The following CDH12 variants were observed in gnomAD, a reference collection of about 807,000 sequenced individuals.
CDH12 encodes cadherin-12.
In CDH12, 41 loss-of-function variants were observed where a neutral mutation model predicts 74.1. The ratio of observed to expected loss-of-function variants is 0.55; its 90% CI spans 0.43 to 0.72. The LOEUF is 0.72. CDH12 is among the 30% of genes least tolerant of loss of function. The pLI is 0.00. For missense variants in CDH12, 945 were observed against 977.2 expected (o/e 0.97, Z 0.44); for synonymous variants, 399 against 355.0 (o/e 1.12, Z -1.39).
intron 3 of CDH12, among the ~76,000 whole-genome samples, chr5:22,375,495 G>A (rs1056798612): frequency 6.6e-6 from 1 of 152,042 alleles, no homozygotes; most frequent in Non-Finnish European, 1.5e-5. Context: ...GAGAGAAACA[G>A]AATGAAGAGA....
intron 1 of CDH12, among the ~76,000 whole-genome samples, chr5:22,694,346 T>C (rs1742239706): frequency 6.6e-6 from 1 of 152,220 alleles, no homozygotes; most frequent in African/African-American, 2.4e-5. Flanking sequence ...GAAATCCTTC[T>C]ACATTCCAAA....
intron 1 of CDH12, among the ~76,000 whole-genome samples, chr5:22,532,350 G>GATACATATATATAT (rs1737621551): frequency 3.6e-5 from 1 of 27,576 alleles, no homozygotes; most frequent in Non-Finnish European, 7.4e-5. Flanking sequence ...ATATAAATAG[G>GATACATATATATAT]ATATATATAT....
chr5:21,807,857 T>C (rs1346809550), intron 9 of CDH12, among the ~76,000 whole-genome samples: 5 of 152,086 alleles, frequency 3.3e-5, no homozygotes, highest in Non-Finnish European at 7.4e-5. Flanking sequence ...AAGTTGTGCA[T>C]ATATAATTAG....
chr5:21,855,949 C>T (rs1249862694), intron 6 of CDH12, among the ~76,000 whole-genome samples: 1 of 151,628 alleles, frequency 6.6e-6, no homozygotes, highest in African/African-American at 2.4e-5. Flanking sequence ...TGTAGACATT[C>T]AATGCCAAGG....
At chr5:21,882,764 G>A (rs1373551463) in intron 6 of CDH12, 61 of 1,600,150 alleles carry the variant, frequency 3.8e-5, no homozygotes, top group Non-Finnish European at 5.1e-5. Context: ...TGGAGCCAAA[G>A]GGAAGAACAG....
chr5:21,908,927 A>G (rs1437714061), intron 6 of CDH12, among the ~76,000 whole-genome samples: 1 of 152,138 alleles, frequency 6.6e-6, no homozygotes, highest in Non-Finnish European at 1.5e-5. Context: ...TAAAAAAAAA[A>G]TTATTTATTT....
At chr5:21,806,772 G>A (rs1031543347) in intron 9 of CDH12, among the ~76,000 whole-genome samples, 2 of 152,194 alleles carry the variant, frequency 1.3e-5, no homozygotes, top group Non-Finnish European at 2.9e-5. Flanking sequence ...TAGCATGGCG[G>A]ACTCCATCTT....
chr5:22,002,809 A>C (rs188476593), intron 5 of CDH12, among the ~76,000 whole-genome samples: 2 of 152,200 alleles, frequency 1.3e-5, no homozygotes, highest in African/African-American at 4.8e-5. Context: ...ATGGAAAAAA[A>C]AATCAATATA....
intron 5 of CDH12, among the ~76,000 whole-genome samples, chr5:22,033,523 T>C (rs561993514): frequency 1.3e-5 from 2 of 152,338 alleles, no homozygotes; most frequent in East Asian, 1.9e-4. Flanking sequence ...TAATAGATTG[T>C]CTATAAACAC....
At chr5:22,191,554 CTTTTTATTTTTATTTTTT>C (rs1386220924) in intron 4 of CDH12, among the ~76,000 whole-genome samples, 1 of 55,202 alleles carries the variant, frequency 1.8e-5, no homozygotes, top group Non-Finnish European at 3.3e-5. Flanking sequence ...CACCAATGGT[CTTTTTATTTTTATTTTTT>C]TTTTTTTTTT....
intron 1 of CDH12, among the ~76,000 whole-genome samples, chr5:22,767,606 G>C (rs780642268): frequency 1.6e-4 from 25 of 151,744 alleles, no homozygotes; most frequent in Non-Finnish European, 2.1e-4. Context: ...GGTAGCTTTG[G>C]AATATTTATT....
chr5:22,588,325 A>T (rs558905933), intron 1 of CDH12, among the ~76,000 whole-genome samples: 41 of 152,296 alleles, frequency 2.7e-4, no homozygotes, highest in African/African-American at 9.1e-4. Context: ...ATTTTAGGCC[A>T]CATAGACTAG....
At chr5:22,207,604 C>T (rs1041746081) in intron 4 of CDH12, among the ~76,000 whole-genome samples, 7 of 152,222 alleles carry the variant, frequency 4.6e-5, no homozygotes, top group East Asian at 1.9e-4. Flanking sequence ...TTTCAATGTA[C>T]GTAAGAAAGA....
intron 6 of CDH12, among the ~76,000 whole-genome samples, chr5:21,856,773 C>G (rs546410866): frequency 6.6e-6 from 1 of 151,636 alleles, no homozygotes; most frequent in Non-Finnish European, 1.5e-5. Flanking sequence ...AATATTTTTT[C>G]ATAAAACCCC....
chr5:22,731,314 A>G (rs1321369831), intron 1 of CDH12, among the ~76,000 whole-genome samples: 1 of 151,880 alleles, frequency 6.6e-6, no homozygotes, highest in Non-Finnish European at 1.5e-5. Context: ...TATGTAAAAA[A>G]GGAAATAAGC....
chr5:22,427,810 C>A (rs537651021), intron 2 of CDH12, among the ~76,000 whole-genome samples: 1 of 152,178 alleles, frequency 6.6e-6, no homozygotes, highest in African/African-American at 2.4e-5. Context: ...TCTATTTTAT[C>A]GAAGGTTCCC....
chr5:22,111,967 A>G (rs1202580177), intron 4 of CDH12, among the ~76,000 whole-genome samples: 1 of 152,150 alleles, frequency 6.6e-6, no homozygotes, highest in African/African-American at 2.4e-5. Context: ...ATAATGTAAT[A>G]TTACTCATAT....
At chr5:22,317,302 A>G (rs1738674538) in intron 3 of CDH12, among the ~76,000 whole-genome samples, 1 of 152,108 alleles carries the variant, frequency 6.6e-6, no homozygotes, top group African/African-American at 2.4e-5. Context: ...TAGGCTACAG[A>G]GTGAGTCTCT....
At chr5:22,387,622 T>C (rs1183242554) in intron 3 of CDH12, among the ~76,000 whole-genome samples, 2 of 152,140 alleles carry the variant, frequency 1.3e-5, no homozygotes, top group South Asian at 2.1e-4. Flanking sequence ...GTTATCTCAG[T>C]AAAGTGGTAC....
Sources: allele counts gnomAD v4.1 joint callset (sites outside exome capture counted in the v4.1 genomes callset), GRCh38; gene constraint gnomAD v4.1.1; transcripts MANE v1.5; gene names NCBI Gene and HGNC (gene_info 2026-07-23, HGNC 2026-07-21).